Variants in LRP1B observed in about 807,000 individuals in gnomAD.
The protein encoded by LRP1B is LDL receptor related protein 1B.
A neutral mutation model predicts 556.6 loss-of-function variants in LRP1B; 217 were observed. That is an observed-to-expected ratio of 0.39 (90% CI 0.35 to 0.44). The LOEUF (loss-of-function observed/expected upper bound fraction) is 0.44, where lower values mean the gene tolerates loss of function less well. LRP1B is among the 20% of genes least tolerant of loss of function. LRP1B has a pLI of 1.00. For synonymous variants in LRP1B, 2,047 were observed against 1,865.8 expected (o/e 1.10, Z -2.50); for missense variants, 5,053 against 5,620.8 (o/e 0.90, Z 3.23).
chr2:140,875,367 A>G (rs1423141871), intron 25 of LRP1B, among the ~76,000 whole-genome samples: 1 of 152,206 alleles, frequency 6.6e-6, no homozygotes, highest in Non-Finnish European at 1.5e-5. Flanking sequence ...TAAAGGTTAT[A>G]AAAGGCTTAT....
At chr2:140,994,625 A>G (rs1314284961) in intron 15 of LRP1B, among the ~76,000 whole-genome samples, 1 of 151,906 alleles carries the variant, frequency 6.6e-6, no homozygotes. Flanking sequence ...TGTTCTTACC[A>G]CATACACTAA....
intron 2 of LRP1B, among the ~76,000 whole-genome samples, chr2:141,756,544 T>TACACACACAC (rs35271250): frequency 1.9e-3 from 272 of 143,448 alleles, no homozygotes; most frequent in African/African-American, 4.7e-3. Flanking sequence ...TCTCTCAAAT[T>TACACACACAC]ACACACACAC....
chr2:140,266,297 C>G (rs892921535), intron 86 of LRP1B, among the ~76,000 whole-genome samples: 1 of 151,986 alleles, frequency 6.6e-6, no homozygotes, highest in Non-Finnish European at 1.5e-5. Flanking sequence ...ATCCAATAAA[C>G]CACTTATAAC....
chr2:140,285,153 A>G (rs557548896), intron 84 of LRP1B, among the ~76,000 whole-genome samples: 1 of 149,542 alleles, frequency 6.7e-6, no homozygotes, highest in South Asian at 2.1e-4. Flanking sequence ...ACACATGTAT[A>G]TATGTGTGTG....
At chr2:141,181,949 T>A (rs1681017854) in intron 7 of LRP1B, among the ~76,000 whole-genome samples, 1 of 151,974 alleles carries the variant, frequency 6.6e-6, no homozygotes. Context: ...ACCGCTAAGT[T>A]CAGTCAAAAT....
At chr2:141,591,191 C>G (rs1474600232) in intron 2 of LRP1B, among the ~76,000 whole-genome samples, 1 of 152,160 alleles carries the variant, frequency 6.6e-6, no homozygotes, top group Non-Finnish European at 1.5e-5. Flanking sequence ...ACTTCCCTCT[C>G]TCATACTTCC....
chr2:141,867,308 G>T (rs1174956920), intron 1 of LRP1B, among the ~76,000 whole-genome samples: 1 of 151,826 alleles, frequency 6.6e-6, no homozygotes, highest in Non-Finnish European at 1.5e-5. Flanking sequence ...CTCAGTCAGG[G>T]TAACTTCTAG....
intron 67 of LRP1B, among the ~76,000 whole-genome samples, chr2:140,384,719 T>C (rs981623218): frequency 6.6e-6 from 1 of 152,188 alleles, no homozygotes; most frequent in Non-Finnish European, 1.5e-5. Context: ...CTCTACTAAT[T>C]ATATGCTTTA....
intron 5 of LRP1B, among the ~76,000 whole-genome samples, chr2:141,246,532 A>G (rs1335071806): frequency 2.0e-5 from 3 of 152,226 alleles, no homozygotes; most frequent in African/African-American, 7.2e-5. Context: ...TCACTTTATT[A>G]TATAAATAAT....
intron 43 of LRP1B, among the ~76,000 whole-genome samples, chr2:140,594,268 C>T (rs1227471583): frequency 6.6e-6 from 1 of 152,074 alleles, no homozygotes; most frequent in Non-Finnish European, 1.5e-5. Flanking sequence ...CCGCGCCTGG[C>T]CCATGTTAAA....
At chr2:141,354,027 G>A (rs1441135612) in intron 3 of LRP1B, among the ~76,000 whole-genome samples, 1 of 151,926 alleles carries the variant, frequency 6.6e-6, no homozygotes, top group Non-Finnish European at 1.5e-5. Flanking sequence ...GAAGGCATTA[G>A]AGAAGGGAAC....
chr2:141,123,773 C>T (rs1296442834), intron 7 of LRP1B, among the ~76,000 whole-genome samples: 12 of 152,032 alleles, frequency 7.9e-5, no homozygotes, highest in East Asian at 1.9e-4. Context: ...TCTTTACTCA[C>T]GATTTCCTAG....
At chr2:141,592,077 C>A (rs1299148632) in intron 2 of LRP1B, among the ~76,000 whole-genome samples, 1 of 152,112 alleles carries the variant, frequency 6.6e-6, no homozygotes, top group Non-Finnish European at 1.5e-5. Context: ...CTCCCCTCAA[C>A]CCCACATCCT....
At chr2:140,967,609 T>C (rs1696271238) in intron 18 of LRP1B, among the ~76,000 whole-genome samples, 1 of 151,898 alleles carries the variant, frequency 6.6e-6, no homozygotes, top group Non-Finnish European at 1.5e-5. Flanking sequence ...GGCATCCCTG[T>C]CTTGTGCCAG....
chr2:141,524,207 G>A (rs1199214486), intron 2 of LRP1B, among the ~76,000 whole-genome samples: 1 of 151,666 alleles, frequency 6.6e-6, no homozygotes, highest in East Asian at 1.9e-4. Context: ...TGCACAGTGG[G>A]TGCTCAATAA....
chr2:141,813,570 T>A (rs2105714328), intron 1 of LRP1B, among the ~76,000 whole-genome samples: 1 of 149,904 alleles, frequency 6.7e-6, no homozygotes, highest in East Asian at 2.0e-4. Flanking sequence ...ATAAAGGTTT[T>A]TTTTTTTTAC....
chr2:140,993,885 G>A, intron 16 of LRP1B, 110 bp downstream of exon 16: 1 of 1,109,080 alleles, frequency 9.0e-7, no homozygotes, highest in Non-Finnish European at 1.3e-6. Context: ...ATTAAACTAG[G>A]TTCAATCTGC....
chr2:141,106,780 C>A (rs181675248), intron 7 of LRP1B, among the ~76,000 whole-genome samples: 95 of 152,286 alleles, frequency 6.2e-4, no homozygotes, highest in Middle Eastern at 3.4e-3. Flanking sequence ...TTCTCTCTTT[C>A]CAATAAAACT....
At chr2:141,628,148 C>T (rs1688769359) in intron 2 of LRP1B, among the ~76,000 whole-genome samples, 1 of 152,154 alleles carries the variant, frequency 6.6e-6, no homozygotes, top group African/African-American at 2.4e-5. Flanking sequence ...TTCACCTAAA[C>T]TTGACATTAC....
Sources: allele counts gnomAD v4.1 joint callset (sites outside exome capture counted in the v4.1 genomes callset), GRCh38; gene constraint gnomAD v4.1.1; transcripts MANE v1.5; gene names NCBI Gene and HGNC (gene_info 2026-07-23, HGNC 2026-07-21).